The following CDH11 variants were observed in gnomAD, a reference collection of about 807,000 sequenced individuals.
CDH11 encodes the protein cadherin-11.
A neutral mutation model predicts 67.8 loss-of-function variants in CDH11; 11 were observed. The observed-to-expected ratio is 0.16, with a 90% CI of 0.10 to 0.27. The LOEUF (loss-of-function observed/expected upper bound fraction) is 0.27. CDH11 is among the 10% of genes least tolerant of loss of function. The pLI is 1.00. For missense variants in CDH11, 847 were observed against 1,031.2 expected, an observed-to-expected ratio of 0.82 and a Z score of 2.45; for synonymous variants, 419 against 400.0, an observed-to-expected ratio of 1.05 and a Z score of -0.57.
intron 5 of CDH11, 60 bp downstream of exon 5, chr16:64,992,855 G>A (rs2072665241): frequency 5.8e-6 from 9 of 1,541,794 alleles, no homozygotes; most frequent in African/African-American, 1.4e-5. Context: ...ATAAGTTCTG[G>A]TCAGGCCTGG....
intron 2 of CDH11, among the ~76,000 whole-genome samples, chr16:65,051,383 G>T (rs1431260632): frequency 6.6e-6 from 1 of 152,118 alleles, no homozygotes. Flanking sequence ...AAAGCCCCTG[G>T]CCTTATGTGG....
intron 1 of CDH11, among the ~76,000 whole-genome samples, chr16:65,115,200 A>G (rs2075222030): frequency 6.6e-6 from 1 of 152,158 alleles, no homozygotes; most frequent in Non-Finnish European, 1.5e-5. Context: ...GAAAAAATGC[A>G]AAGGTAGGAA....
At chr16:65,006,573 T>C (rs2073059341) in intron 2 of CDH11, among the ~76,000 whole-genome samples, 2 of 152,228 alleles carry the variant, frequency 1.3e-5, no homozygotes, top group South Asian at 4.1e-4. Context: ...GTTGCACCCA[T>C]ACAGGCCTGA....
In CDH11 at chr16:64,991,772, C is replaced by A. The variant is rs141644062; in HGVS notation, c.807G>T (p.Pro269=). ...TDVNDNPPKF[P]QSVYQMSVSE... ...AAGCCAAGTCCACCTACTTACTCTG[C>A]GGAAACTTTGGTGGGTTGTCATTGA... The change falls in exon 6 of 13, where the codon CCG becomes CCT. Residue 269 remains proline, a synonymous_variant. Transcript: ENST00000268603. 76 of 1,611,736 alleles carry A rather than the reference C, an allele frequency of 4.7e-5. 1 individual carries two copies. In the African/African-American group the frequency reaches 9.2e-4, roughly 20 times the overall value.
intron 11 of CDH11, among the ~76,000 whole-genome samples, chr16:64,965,739 T>G (rs1040400179): frequency 6.6e-6 from 1 of 151,766 alleles, no homozygotes; most frequent in Admixed American, 6.6e-5. Context: ...TGTGGTCTGC[T>G]GCTGTCCAAG....
chr16:65,113,059 G>A lies in CDH11; in HGVS notation c.-298+8821C>T, dbSNP rs145946181. On this transcript the variant is annotated intron_variant, in intron 1 of 12. Coordinates refer to ENST00000268603, the MANE Select transcript of CDH11 (RefSeq NM_001797.4). ...TCCCAGCACTTTGGGAAGCTGAGGC[G>A]GGCAGATCATAAGGTCAGAATTTCG... 6.7e-3 allele frequency among the ~76,000 whole-genome samples: 1,018 copies of A among 152,230 alleles called. 15 individuals are homozygous for A. The highest frequency in any genetic ancestry group is 0.023 in the African/African-American group (967 of 41,548).
At chr16:65,110,661 T>C (rs939365234) in intron 1 of CDH11, among the ~76,000 whole-genome samples, 27 of 149,428 alleles carry the variant, frequency 1.8e-4, no homozygotes, top group African/African-American at 6.0e-4. Flanking sequence ...TGTGTGTGTG[T>C]GTGTGTGTGT....
chr16:64,954,769 C>T (rs1465715297), intron 11 of CDH11, among the ~76,000 whole-genome samples: 2 of 152,204 alleles, frequency 1.3e-5, no homozygotes, highest in African/African-American at 2.4e-5. Context: ...TTCAGTATCA[C>T]GGCCTGTCCT....
At chr16:65,049,578 C>G (rs781214758) in intron 2 of CDH11, among the ~76,000 whole-genome samples, 1 of 152,130 alleles carries the variant, frequency 6.6e-6, no homozygotes, top group Non-Finnish European at 1.5e-5. Flanking sequence ...TGTCATTGAC[C>G]TCTTTGCCCA....
chr16:65,058,074 T>A (rs2074175824), intron 1 of CDH11, among the ~76,000 whole-genome samples: 1 of 151,606 alleles, frequency 6.6e-6, no homozygotes, highest in Non-Finnish European at 1.5e-5. Flanking sequence ...TAAAAAAAAA[T>A]TAGCTGGGTG....
chr16:64,945,404 G>C lies in CDH11; in HGVS notation c.*2199C>G. On this transcript the variant is annotated 3_prime_UTR_variant, in exon 13 of 13. Transcript: ENST00000268603. ...TTCAACATAAAAATGCGAAAATGTA[G>C]TTGTCATCTCTAATCCAAATACATT... 1 of 1,032,880 alleles carries C rather than the reference G, an allele frequency of 9.7e-7. No homozygotes were observed. Among genetic ancestry groups the C allele is most frequent in the Admixed American group, 5.6e-5 (1 of 17,752 alleles). 64.0% of individuals were successfully genotyped at this position (1,032,880 alleles called of 1,614,324 possible). A position where few individuals can be genotyped will look rare whatever the true frequency, so the allele number is the denominator to read the frequency against.
At chr16:65,098,123 G>A (rs1355725677) in intron 1 of CDH11, among the ~76,000 whole-genome samples, 1 of 152,142 alleles carries the variant, frequency 6.6e-6, no homozygotes, top group Non-Finnish European at 1.5e-5. Context: ...AGAAGGCCAT[G>A]AAATTGGGTA....
intron 3 of CDH11, among the ~76,000 whole-genome samples, chr16:65,003,662 A>G (rs372005780): frequency 6.6e-6 from 1 of 152,150 alleles, no homozygotes; most frequent in African/African-American, 2.4e-5. Context: ...TTGAATTTGT[A>G]TTTTGGACCC....
intron 1 of CDH11, among the ~76,000 whole-genome samples, chr16:65,084,985 C>T (rs926763510): frequency 6.6e-6 from 1 of 152,196 alleles, no homozygotes; most frequent in Admixed American, 6.5e-5. Context: ...CCTCAACTCA[C>T]AGCAACCTCC....
intron 2 of CDH11, among the ~76,000 whole-genome samples, chr16:65,024,248 T>A (rs1471755081): frequency 6.6e-6 from 1 of 152,220 alleles, no homozygotes; most frequent in Non-Finnish European, 1.5e-5. Context: ...AACTCCTCAC[T>A]GAATTCCTTG....
intron 1 of CDH11, among the ~76,000 whole-genome samples, chr16:65,088,099 C>G (rs775208597): frequency 6.6e-6 from 1 of 152,026 alleles, no homozygotes; most frequent in African/African-American, 2.4e-5. Flanking sequence ...GCTCCAAGCT[C>G]GGGAATGGCA....
At chr16:65,034,375 A>G (rs1310919255) in intron 2 of CDH11, among the ~76,000 whole-genome samples, 30 of 152,214 alleles carry the variant, frequency 2.0e-4, no homozygotes, top group Admixed American at 1.9e-3. Context: ...TTTCAATGGA[A>G]ACCCCTGAAA....
At chr16:64,976,465 C>T (rs751874520) in intron 8 of CDH11, among the ~76,000 whole-genome samples, 1 of 152,008 alleles carries the variant, frequency 6.6e-6, no homozygotes, top group Non-Finnish European at 1.5e-5. Context: ...GGTGATATTG[C>T]AAGGCCTCCA....
intron 1 of CDH11, among the ~76,000 whole-genome samples, chr16:65,069,109 A>G (rs865843121): frequency 1.3e-5 from 2 of 152,352 alleles, no homozygotes; most frequent in South Asian, 2.1e-4. Context: ...ACTCTTTTAC[A>G]TTCCCATAAA....
Sources: allele counts gnomAD v4.1 joint callset (sites outside exome capture counted in the v4.1 genomes callset), GRCh38; gene constraint gnomAD v4.1.1; transcripts MANE v1.5; gene names NCBI Gene and HGNC (gene_info 2026-07-23, HGNC 2026-07-21).